DOCK4: variants seen among roughly 807,000 people sequenced by gnomAD.
The protein encoded by DOCK4 is dedicator of cytokinesis 4.
DOCK4 carries 97 observed loss-of-function variants against 268.1 expected under a neutral mutation model. The ratio of observed to expected loss-of-function variants is 0.36; its 90% confidence interval spans 0.31 to 0.43. DOCK4 has a LOEUF of 0.43. Among genes scored for constraint, DOCK4 ranks in the 20% least tolerant of loss-of-function variants. DOCK4 has a pLI of 1.00. For missense variants in DOCK4, 2,145 were observed against 2,455.7 expected (o/e 0.87, Z 2.67); for synonymous variants, 954 against 887.2 (o/e 1.08, Z -1.34).
intron 1 of DOCK4, among the ~76,000 whole-genome samples, chr7:112,021,600 T>C (rs548666156): frequency 6.6e-6 from 1 of 152,346 alleles, no homozygotes; most frequent in East Asian, 1.9e-4. Context: ...GCACAGTATT[T>C]CATCCAAAAA....
At chr7:112,134,365 C>T (rs2116165286) in intron 1 of DOCK4, among the ~76,000 whole-genome samples, 1 of 152,184 alleles carries the variant, frequency 6.6e-6, no homozygotes, top group Admixed American at 6.5e-5. Context: ...GCAGGTTGAC[C>T]CAATAAACTG....
intron 12 of DOCK4, among the ~76,000 whole-genome samples, chr7:111,933,594 C>T (rs1017184632): frequency 5.3e-5 from 8 of 151,864 alleles, no homozygotes; most frequent in African/African-American, 9.7e-5. Flanking sequence ...CGCACCCAGC[C>T]GAGAATTGTA....
At chr7:112,168,294 GA>G (rs1431902137) in intron 1 of DOCK4, among the ~76,000 whole-genome samples, 1 of 152,174 alleles carries the variant, frequency 6.6e-6, no homozygotes, top group Non-Finnish European at 1.5e-5. Flanking sequence ...TTGGCTCTTA[GA>G]TCCATCATAC....
intron 43 of DOCK4, 77 bp from the exon 44 acceptor site, chr7:111,746,494 G>T: frequency 8.5e-7 from 1 of 1,172,582 alleles, no homozygotes; most frequent in Non-Finnish European, 1.2e-6. Context: ...TTAAAGACCT[G>T]GCATCTTTAT....
At chr7:111,883,486 A>G (rs1807588946) in intron 16 of DOCK4, among the ~76,000 whole-genome samples, 1 of 152,010 alleles carries the variant, frequency 6.6e-6, no homozygotes. Context: ...CCATCTGTTC[A>G]CAGAAATTCT....
At chr7:112,188,547 T>A (rs1000967425) in intron 1 of DOCK4, among the ~76,000 whole-genome samples, 3 of 152,226 alleles carry the variant, frequency 2.0e-5, no homozygotes, top group Non-Finnish European at 2.9e-5. Context: ...AAGAGCTTTA[T>A]TACATCAGTG....
chr7:111,742,028 C>T lies in DOCK4; in HGVS notation c.4782G>A (p.Ser1594=), dbSNP rs866804700. ...KLVDQFFVMK[S]SLGIQEFSAC... Reference sequence around the variant, plus strand: ...GTATACATACCTGTATCCCTAAGCTCGACTTCATCACAAAGAATTGGTCAA... The same window carrying T: ...GTATACATACCTGTATCCCTAAGCTTGACTTCATCACAAAGAATTGGTCAA... Residue 1594 remains serine, a synonymous_variant, in exon 45 of 53, where the codon TCG becomes TCA. Coordinates refer to ENST00000428084, the MANE Select transcript of DOCK4 (RefSeq NM_001363540.2). 5.6e-6 allele frequency: 9 copies of T among 1,602,496 alleles called. No individual in the cohort carries two copies. Among genetic ancestry groups the T allele is most frequent in the Middle Eastern group, 1.7e-4 (1 of 6,026 alleles).
Position 111,900,421 on chromosome 7 carries a change from T to C in DOCK4, c.1433A>G (p.Asp478Gly). 4.3e-6 allele frequency: 7 copies of C among 1,613,554 alleles called. No homozygotes were observed. Among genetic ancestry groups the C allele is most frequent in the Non-Finnish European group, 5.9e-6 (7 of 1,179,758 alleles). ...GCGGATGTGTGCACCCCGGAATTTA[T>C]CCACAGGAATGGGAAGTTTCAGCAG... is the stretch of plus-strand genomic sequence containing the variant. The part of the protein sequence containing the change: ...SELLKLPIPV[D>G]KFRGAHIRFE... Residue 478 changes from aspartate to glycine, a missense_variant, in exon 15 of 53, where the codon GAT (aspartate) becomes GGT (glycine). Transcript: ENST00000428084.
At chr7:111,773,284 C>T (rs1380803287) in intron 36 of DOCK4, among the ~76,000 whole-genome samples, 1 of 152,178 alleles carries the variant, frequency 6.6e-6, no homozygotes, top group Non-Finnish European at 1.5e-5. Context: ...GTCAATTTCA[C>T]TGTCTCCAAG....
chr7:112,100,846 TAC>T (rs141853509), intron 1 of DOCK4, among the ~76,000 whole-genome samples: 3 of 151,450 alleles, frequency 2.0e-5, no homozygotes, highest in Admixed American at 6.6e-5. Context: ...GAGATACAGA[TAC>T]ACACACACAC....
intron 16 of DOCK4, among the ~76,000 whole-genome samples, chr7:111,879,920 T>C (rs1807242292): frequency 6.6e-6 from 1 of 152,130 alleles, no homozygotes; most frequent in Non-Finnish European, 1.5e-5. Flanking sequence ...ATGACGCACT[T>C]CTACAATATC....
chr7:111,760,781 T>TGTGTGTGTGTGTGTGTGTGA (rs61045792), intron 39 of DOCK4, among the ~76,000 whole-genome samples: 3 of 143,322 alleles, frequency 2.1e-5, no homozygotes, highest in African/African-American at 7.9e-5. Context: ...TGTGTGTGTG[T>TGTGTGTGTGTGTGTGTGTGA]GTATTCTGCC....
chr7:111,856,140 T>G (rs1804991701), intron 23 of DOCK4, among the ~76,000 whole-genome samples: 1 of 152,192 alleles, frequency 6.6e-6, no homozygotes, highest in Non-Finnish European at 1.5e-5. Context: ...TGAAAATCTG[T>G]GCAAATGTGG....
chr7:111,741,500 G>A (rs769514683), intron 46 of DOCK4, 40 bp downstream of exon 46: 1 of 1,605,444 alleles, frequency 6.2e-7, no homozygotes, highest in Non-Finnish European at 8.5e-7. Flanking sequence ...TCAGCTTGCG[G>A]GTGAGGCCAA....
chr7:112,085,030 T>C (rs1355915491), intron 1 of DOCK4, among the ~76,000 whole-genome samples: 1 of 152,110 alleles, frequency 6.6e-6, no homozygotes, highest in Non-Finnish European at 1.5e-5. Flanking sequence ...TTCAGAACAG[T>C]GCTCTTACTA....
In DOCK4 at chr7:111,730,982, AGAT is replaced by A. The variant is rs563496338; in HGVS notation, c.5481+1241_5481+1243del. Among the ~76,000 whole-genome samples the A allele has an allele frequency of 1.8e-3, 276 of 152,320 alleles. 1 individual carries two copies. Among genetic ancestry groups the A allele is most frequent in the African/African-American group, 6.4e-3 (267 of 41,580 alleles). ...CAACAAAATTTAAGTTGAAAAATAC[AGAT>A]GATAATTCCATAGCAACGTGTGGGA... On this transcript the variant is annotated intron_variant, in intron 52 of 52. Coordinates refer to ENST00000428084, the MANE Select transcript of DOCK4 (RefSeq NM_001363540.2).
intron 25 of DOCK4, among the ~76,000 whole-genome samples, chr7:111,843,519 A>G (rs754156664): frequency 6.6e-6 from 1 of 152,178 alleles, no homozygotes; most frequent in Admixed American, 6.5e-5. Flanking sequence ...CTACAATAAG[A>G]TATCACTACA....
chr7:112,090,173 G>A (rs191601489), intron 1 of DOCK4, among the ~76,000 whole-genome samples: 1 of 152,066 alleles, frequency 6.6e-6, no homozygotes, highest in African/African-American at 2.4e-5. Flanking sequence ...TAATTATCAT[G>A]GGTGATATGT....
chr7:111,983,158 G>C (rs1798739130), intron 7 of DOCK4, among the ~76,000 whole-genome samples: 1 of 152,120 alleles, frequency 6.6e-6, no homozygotes, highest in Non-Finnish European at 1.5e-5. Flanking sequence ...ATGAAGTGTA[G>C]ATAATCTGAA....
Sources: gnomAD v4.1 joint callset for allele counts (sites outside exome capture counted in the v4.1 genomes callset) on GRCh38, gnomAD v4.1.1 for gene constraint, MANE v1.5 for transcripts, NCBI Gene and HGNC (gene_info 2026-07-23, HGNC 2026-07-21) for gene names.